NFAT5: variants seen among roughly 807,000 people sequenced by gnomAD.
NFAT5 encodes nuclear factor of activated T-cells 5.
In NFAT5, 31 loss-of-function variants were observed where a neutral mutation model predicts 166.5. The ratio of observed to expected loss-of-function variants is 0.19; its 90% CI spans 0.14 to 0.25. The LOEUF is 0.25. Ranked by LOEUF, NFAT5 falls within the 10% of genes least tolerant of loss-of-function variation. The probability of loss-of-function intolerance (pLI) is 1.00; values close to 1 mark genes in which losing one functional copy is unlikely to be tolerated. For synonymous variants in NFAT5, 612 were observed against 639.7 expected (o/e 0.96, Z 0.65); for missense variants, 1,449 against 1,821.8 (o/e 0.80, Z 3.72).
rs770624275 is a variant in NFAT5 at position 69,692,635 on chromosome 16, C to T, written c.2810C>T (p.Thr937Ile). 1.9e-6 allele frequency: 3 copies of T among 1,614,266 alleles called. No homozygotes were observed. The Admixed American group carries it at 5.0e-5, about 27-fold the overall frequency. Residue 937 changes from threonine (T) to isoleucine (I), a missense_variant, in exon 13 of 15, where the codon ACT (threonine) becomes ATT (isoleucine). Physicochemically the swap from Thr to Ile is moderately conservative, Grantham distance 89 (BLOSUM62 -1). Transcript: ENST00000349945. ...AQIQSELFPS[T>I]ASANGNLQQS... ...ATTCAGTCAGAGTTATTCCCTTCAA[C>T]TGCTTCAGCAAATGGAAACCTTCAG...
intron 2 of NFAT5, among the ~76,000 whole-genome samples, chr16:69,571,341 G>T (rs1179395258): frequency 5.3e-5 from 8 of 150,550 alleles, no homozygotes; most frequent in African/African-American, 1.9e-4. Flanking sequence ...AACAAAATAA[G>T]AACTCAGCGA....
chr16:69,683,800 T>G (rs551363462), intron 10 of NFAT5, among the ~76,000 whole-genome samples: 1 of 151,976 alleles, frequency 6.6e-6, no homozygotes, highest in East Asian at 1.9e-4. Flanking sequence ...CTACTAAAAA[T>G]ACAAAAATTA....
At chr16:69,621,137 A>G (rs1230086621) in intron 2 of NFAT5, among the ~76,000 whole-genome samples, 1 of 152,110 alleles carries the variant, frequency 6.6e-6, no homozygotes, top group East Asian at 1.9e-4. Flanking sequence ...TTCTTTATAT[A>G]TAGAAGCTAT....
chr16:69,684,128 G>A (rs762327298), intron 10 of NFAT5, among the ~76,000 whole-genome samples: 7 of 151,498 alleles, frequency 4.6e-5, no homozygotes, highest in South Asian at 2.1e-4. Flanking sequence ...GCATGGTGGC[G>A]TGCACCTGAA....
At position 69,653,353 on chromosome 16, in the gene NFAT5, C is replaced by T. The variant is rs865774873; in HGVS notation, c.930C>T (p.His310=). The change falls in exon 5 of 15, where the codon CAC becomes CAT. Residue 310 remains histidine (H), a synonymous_variant. Transcript: ENST00000349945. ...TAGTTGTACAACCTGAGACACAGCA[C>T]CGAGCTCGGTACCTGACTGAGGGCA... is the stretch of plus-strand genomic sequence containing the variant. The part of the protein sequence containing the change: ...LKIVVQPETQ[H]RARYLTEGSR... The T allele has an allele frequency of 1.2e-6, 2 of 1,612,870 alleles. No individual in the cohort carries two copies. Among genetic ancestry groups the T allele is most frequent in the South Asian group, 1.1e-5 (1 of 90,884 alleles).
At chr16:69,592,146 C>T (rs560820502) in intron 2 of NFAT5, among the ~76,000 whole-genome samples, 1 of 134,184 alleles carries the variant, frequency 7.5e-6, no homozygotes, top group Non-Finnish European at 1.5e-5. Flanking sequence ...GTGGTGTGAT[C>T]TCGGCTCACT....
At chr16:69,652,453 GAA>G (rs74216983) in intron 4 of NFAT5, among the ~76,000 whole-genome samples, 3 of 60,626 alleles carry the variant, frequency 4.9e-5, no homozygotes, top group African/African-American at 1.9e-4. Context: ...CTCCATCTCA[GAA>G]AAAAAAAAAA....
intron 2 of NFAT5, among the ~76,000 whole-genome samples, chr16:69,570,181 G>A (rs1240850770): frequency 6.6e-6 from 1 of 151,908 alleles, no homozygotes; most frequent in Non-Finnish European, 1.5e-5. Flanking sequence ...TTTAGTTAAG[G>A]GGATTCTCAT....
At chr16:69,610,308 G>A (rs972535027) in intron 2 of NFAT5, among the ~76,000 whole-genome samples, 4 of 152,108 alleles carry the variant, frequency 2.6e-5, no homozygotes, top group African/African-American at 9.7e-5. Flanking sequence ...TTCTGGTAAT[G>A]ACAGAAAGGA....
At chr16:69,681,007 G>A (rs907121724) in intron 10 of NFAT5, among the ~76,000 whole-genome samples, 3 of 152,108 alleles carry the variant, frequency 2.0e-5, no homozygotes, top group South Asian at 2.1e-4. Context: ...TGATCCGCCC[G>A]CCTCAGCCTC....
chr16:69,652,623 G>A (rs1311138552), intron 4 of NFAT5, among the ~76,000 whole-genome samples: 4 of 151,960 alleles, frequency 2.6e-5, no homozygotes, highest in African/African-American at 9.7e-5. Flanking sequence ...AAATTGAATC[G>A]CTAATTTTTT....
At position 69,693,004 on chromosome 16, in the gene NFAT5, G is replaced by T; in HGVS notation, c.3179G>T (p.Gly1060Val). The T allele has an allele frequency of 6.2e-7, 1 of 1,614,092 alleles. No homozygotes were observed. Among genetic ancestry groups the T allele is most frequent in the Non-Finnish European group, 8.5e-7 (1 of 1,180,040 alleles). The part of the protein sequence containing the change: ...SVQNSGTQQQ[G>V]NGLFQQGNEM... Reference sequence around the variant, plus strand: ...CAGAATAGTGGTACCCAACAACAAGGTAATGGTTTATTCCAGCAAGGGAAT... The same window carrying T: ...CAGAATAGTGGTACCCAACAACAAGTTAATGGTTTATTCCAGCAAGGGAAT... The change falls in exon 13 of 15, where the codon GGT becomes GTT. Residue 1060 changes from glycine (G) to valine (V), a missense_variant. By Grantham distance (109) the Gly-to-Val change is moderately radical. This residue lies in a region of NFAT5 where 891 missense variants were observed against 993.0 expected (regional missense o/e 0.90). Transcript: ENST00000349945.
At position 69,566,439 on chromosome 16, in the gene NFAT5, A is replaced by C; in HGVS notation, c.73+65A>C. The C allele has an allele frequency of 2.3e-6, 3 of 1,322,086 alleles. No homozygotes were observed. The highest frequency in any genetic ancestry group is 3.2e-6 in the Non-Finnish European group (3 of 946,426). The allele number at this position is 1,322,086 out of a possible 1,614,324, so 81.9% of individuals were successfully genotyped here. A position where few individuals can be genotyped will look rare whatever the true frequency, so the allele number is the denominator to read the frequency against. On this transcript the variant is annotated intron_variant, in intron 1 of 14. Transcript: ENST00000349945. The surrounding 1 kb of genome is among the most constrained non-coding windows in gnomAD (Gnocchi z 5.7). ...GACAGGGAGACAGGGAGACAGGGCC[A>C]GGGGAGGCGAGGGGTCCCCGTCCCG...
chr16:69,683,465 A>G (rs1163881247), intron 10 of NFAT5, among the ~76,000 whole-genome samples: 2 of 152,058 alleles, frequency 1.3e-5, no homozygotes, highest in Non-Finnish European at 2.9e-5. Context: ...TGGGAGGTGG[A>G]AGTTGCAGTG....
rs1304385326 is a variant in NFAT5 at position 69,692,616 on chromosome 16, T to G, written c.2791T>G (p.Ser931Ala). ...CTGCCAGGCAGCTGCCCAGATTCAGTCAGAGTTATTCCCTTCAACTGCTTC... is the reference window on the plus strand; with the variant it reads ...CTGCCAGGCAGCTGCCCAGATTCAGGCAGAGTTATTCCCTTCAACTGCTTC... Reference protein sequence around the residue: ...SICQAAAQIQSELFPSTASAN... With the variant: ...SICQAAAQIQAELFPSTASAN... The change falls in exon 13 of 15, where the codon TCA becomes GCA. Residue 931 changes from serine (S) to alanine (A), a missense_variant. This residue lies in a region of NFAT5 where 891 missense variants were observed against 993.0 expected (regional missense o/e 0.90). Transcript: ENST00000349945. 1 of 1,614,208 alleles carries G rather than the reference T, an allele frequency of 6.2e-7. No homozygotes were observed. Among genetic ancestry groups the G allele is most frequent in the Non-Finnish European group, 8.5e-7 (1 of 1,180,036 alleles).
intron 2 of NFAT5, among the ~76,000 whole-genome samples, chr16:69,608,514 T>G (rs1315142413): frequency 6.6e-6 from 1 of 152,128 alleles, no homozygotes; most frequent in Non-Finnish European, 1.5e-5. Flanking sequence ...CCCAGCACTT[T>G]GGGAGGCCGA....
At chr16:69,585,499 G>T (rs1197712017) in intron 2 of NFAT5, among the ~76,000 whole-genome samples, 1 of 151,986 alleles carries the variant, frequency 6.6e-6, no homozygotes, top group African/African-American at 2.4e-5. Context: ...TGAAAGCAGG[G>T]ACTCAAACAG....
chr16:69,642,984 G>A (rs563427168), intron 3 of NFAT5, among the ~76,000 whole-genome samples: 2 of 152,088 alleles, frequency 1.3e-5, no homozygotes, highest in East Asian at 1.9e-4. Context: ...TCAGGAGGCC[G>A]AGGTGGGTGG....
chr16:69,655,402 G>C (rs996558318), intron 5 of NFAT5, among the ~76,000 whole-genome samples: 4 of 151,966 alleles, frequency 2.6e-5, no homozygotes, highest in Non-Finnish European at 4.4e-5. Context: ...TTTAAGTATA[G>C]TTATTACAGA....
Sources: allele counts gnomAD v4.1 joint callset (sites outside exome capture counted in the v4.1 genomes callset), GRCh38; gene constraint gnomAD v4.1.1; regional missense constraint gnomAD v4.1.1; non-coding constraint Gnocchi (gnomAD v3.1); transcripts MANE v1.5; gene names NCBI Gene and HGNC (gene_info 2026-07-23, HGNC 2026-07-21).